PHF24: variants seen among roughly 807,000 people sequenced by gnomAD.
The protein encoded by PHF24 is PHD finger protein 24, also known as Galpha inhibitory interacting protein.
PHF24 carries 25 observed loss-of-function variants against 42.6 expected under a neutral mutation model. The ratio of observed to expected loss-of-function variants is 0.59; its 90% CI spans 0.43 to 0.82. The LOEUF is 0.82. Among genes scored for constraint, PHF24 ranks in the 40% least tolerant of loss-of-function variants. The probability of loss-of-function intolerance (pLI) is 0.00; values close to 1 mark genes in which losing one functional copy is unlikely to be tolerated. For synonymous variants in PHF24, 185 were observed against 204.8 expected (o/e 0.90, Z 0.83); for missense variants, 470 against 538.1 (o/e 0.87, Z 1.25).
At chr9:34,931,320 G>A in the PHF24 span, among the ~76,000 whole-genome samples, 4 of 144,098 alleles carry the variant, frequency 2.8e-5, no homozygotes, top group Non-Finnish European at 6.0e-5. Flanking sequence ...AGCTTGCAGT[G>A]AGCCGAGATA....
At chr9:34,817,495 T>A in the PHF24 span, among the ~76,000 whole-genome samples, 10 of 152,302 alleles carry the variant, frequency 6.6e-5, no homozygotes, top group South Asian at 2.1e-3. Context: ...TCCTCCTGCT[T>A]TCACCTCCCA....
chr9:34,731,853 T>C, the PHF24 span, among the ~76,000 whole-genome samples: 3 of 151,028 alleles, frequency 2.0e-5, no homozygotes, highest in Admixed American at 6.6e-5. Context: ...TATTTTTAGG[T>C]TTTTTTTTCT....
the PHF24 span, among the ~76,000 whole-genome samples, chr9:34,850,163 G>A: frequency 6.6e-6 from 1 of 152,112 alleles, no homozygotes; most frequent in East Asian, 1.9e-4. Flanking sequence ...TGCTAGATTG[G>A]GGAAGTTCTC....
the PHF24 span, among the ~76,000 whole-genome samples, chr9:34,736,861 G>A: frequency 6.6e-6 from 1 of 152,052 alleles, no homozygotes; most frequent in African/African-American, 2.4e-5. Flanking sequence ...TTAAAGCACT[G>A]GAAAAAAATG....
chr9:34,877,643 A>G, the PHF24 span, among the ~76,000 whole-genome samples: 1 of 152,114 alleles, frequency 6.6e-6, no homozygotes, highest in Non-Finnish European at 1.5e-5. Flanking sequence ...TGTTATATAT[A>G]TTTTTACCAT....
chr9:34,680,235 C>T, the PHF24 span, among the ~76,000 whole-genome samples: 47 of 152,064 alleles, frequency 3.1e-4, 2 homozygotes, highest in East Asian at 8.9e-3. Context: ...ATTAGCCAAG[C>T]ATGGTGGGGG....
the PHF24 span, among the ~76,000 whole-genome samples, chr9:34,874,119 T>C: frequency 6.6e-6 from 1 of 152,180 alleles, no homozygotes; most frequent in Non-Finnish European, 1.5e-5. Context: ...GTTTTCTAGA[T>C]ATACAATCAT....
chr9:34,933,220 A>C, the PHF24 span, among the ~76,000 whole-genome samples: 1 of 152,200 alleles, frequency 6.6e-6, no homozygotes, highest in Non-Finnish European at 1.5e-5. Flanking sequence ...CAAGTGAATA[A>C]ACATGTGTAT....
chr9:34,981,300 T>A (rs536828195), exon 8 of PHF24: 8 of 152,372 alleles, frequency 5.3e-5, no homozygotes, highest in African/African-American at 1.4e-4. Flanking sequence ...TAGGGTCCCC[T>A]TATTCCTGTC....
At chr9:34,696,003 A>G in the PHF24 span, among the ~76,000 whole-genome samples, 2 of 152,164 alleles carry the variant, frequency 1.3e-5, no homozygotes, top group Admixed American at 6.5e-5. Context: ...AGTCACTTAG[A>G]CTATCACTCG....
the PHF24 span, among the ~76,000 whole-genome samples, chr9:34,825,252 G>T: frequency 6.6e-6 from 1 of 151,902 alleles, no homozygotes; most frequent in Non-Finnish European, 1.5e-5. Context: ...CAGGGTGATG[G>T]GTGTATAGGC....
At chr9:34,800,395 T>C in the PHF24 span, among the ~76,000 whole-genome samples, 3 of 152,150 alleles carry the variant, frequency 2.0e-5, no homozygotes, top group African/African-American at 7.2e-5. Context: ...TCAGGAGGCA[T>C]CACACCACCT....
the PHF24 span, among the ~76,000 whole-genome samples, chr9:34,694,976 C>T: frequency 6.6e-6 from 1 of 152,172 alleles, no homozygotes; most frequent in Non-Finnish European, 1.5e-5. Flanking sequence ...ACATATAGCT[C>T]CTAAAATCCT....
chr9:34,882,826 C>T, the PHF24 span, among the ~76,000 whole-genome samples: 1 of 152,152 alleles, frequency 6.6e-6, no homozygotes, highest in Non-Finnish European at 1.5e-5. Flanking sequence ...CCCCATCAAG[C>T]TACCAATGAC....
the PHF24 span, among the ~76,000 whole-genome samples, chr9:34,932,892 T>C: frequency 1.1e-4 from 17 of 152,004 alleles, no homozygotes; most frequent in Admixed American, 6.6e-5. Flanking sequence ...CTCTCTTCTC[T>C]ATCACAACCT....
At chr9:34,835,944 A>G in the PHF24 span, 2 of 738,862 alleles carry the variant, frequency 2.7e-6, no homozygotes, top group South Asian at 1.5e-5. Context: ...AGTCATTCTC[A>G]TCCGCCAGCA....
the PHF24 span, among the ~76,000 whole-genome samples, chr9:34,838,120 A>G: frequency 2.0e-5 from 3 of 152,216 alleles, no homozygotes; most frequent in Admixed American, 1.3e-4. Flanking sequence ...GTCTCTATTC[A>G]AGTCAAATGG....
At chr9:34,975,956 C>T (rs888425041) in intron 3 of PHF24, among the ~76,000 whole-genome samples, 196 bp from the exon 4 acceptor site, 2 of 152,066 alleles carry the variant, frequency 1.3e-5, no homozygotes, top group Non-Finnish European at 2.9e-5. Flanking sequence ...GGGGAAGATT[C>T]TGCCCCAGAG....
At chr9:34,696,766 G>A in the PHF24 span, among the ~76,000 whole-genome samples, 1 of 152,140 alleles carries the variant, frequency 6.6e-6, no homozygotes, top group Non-Finnish European at 1.5e-5. Context: ...CTTCCTTGGT[G>A]GCAGAGGATA....
Sources: gnomAD v4.1 joint callset for allele counts (sites outside exome capture counted in the v4.1 genomes callset) on GRCh38, gnomAD v4.1.1 for gene constraint, MANE v1.5 for transcripts, NCBI Gene and HGNC (gene_info 2026-07-23, HGNC 2026-07-21) for gene names.